IL23R: variants seen among roughly 807,000 people sequenced by gnomAD.
IL23R encodes the protein interleukin-23 receptor.
In IL23R, 34 loss-of-function variants were observed where a neutral mutation model predicts 56.9. The observed-to-expected ratio is 0.60, with a 90% CI of 0.45 to 0.80. IL23R has a LOEUF of 0.80. Ranked by LOEUF, IL23R falls within the 30% of genes least tolerant of loss-of-function variation. The probability of loss-of-function intolerance (pLI) is 0.00; values close to 1 mark genes in which losing one functional copy is unlikely to be tolerated. For missense variants in IL23R, 635 were observed against 730.0 expected, an observed-to-expected ratio of 0.87 and a Z score of 1.50; for synonymous variants, 230 against 249.2, an observed-to-expected ratio of 0.92 and a Z score of 0.73.
intron 4 of IL23R, among the ~76,000 whole-genome samples, chr1:67,197,787 T>C (rs1194483308): frequency 6.6e-6 from 1 of 151,964 alleles, no homozygotes; most frequent in Non-Finnish European, 1.5e-5. Flanking sequence ...CTACAAAAAA[T>C]TAGCTGAGAG....
In IL23R at chr1:67,250,862, A is replaced by T. The variant is rs368833618; in HGVS notation, c.1149-4975A>T. Among the ~76,000 whole-genome samples the T allele has an allele frequency of 4.6e-4, 70 of 152,350 alleles. No individual in the cohort carries two copies. The East Asian group carries it at 8.5e-3, about 18-fold the overall frequency. ...GGGTGGAGCCCATCAAGAAATGGCT[A>T]GGAAAACATGCAGTTTCTGGGGTCT... On this transcript the variant is annotated intron_variant, in intron 9 of 10. Coordinates refer to ENST00000347310, the MANE Select transcript of IL23R (RefSeq NM_144701.3).
chr1:67,158,380 G>T (rs552674278), intron 1 of IL23R, among the ~76,000 whole-genome samples: 1 of 152,214 alleles, frequency 6.6e-6, no homozygotes, highest in Non-Finnish European at 1.5e-5. Context: ...TAATGAAGTA[G>T]AATTGGACAG....
chr1:67,249,327 C>T (rs1652467362), intron 9 of IL23R, among the ~76,000 whole-genome samples: 1 of 152,150 alleles, frequency 6.6e-6, no homozygotes, highest in South Asian at 2.1e-4. Flanking sequence ...TGCTTTTTAG[C>T]ATCCTTTTTA....
chr1:67,226,088 C>T (rs548815065), intron 7 of IL23R, among the ~76,000 whole-genome samples: 123 of 152,288 alleles, frequency 8.1e-4, no homozygotes, highest in Admixed American at 5.1e-3. Flanking sequence ...AAACCCGTTA[C>T]AGGAGGGGGA....
At chr1:67,249,452 G>A (rs1413228992) in intron 9 of IL23R, among the ~76,000 whole-genome samples, 1 of 151,706 alleles carries the variant, frequency 6.6e-6, no homozygotes, top group African/African-American at 2.4e-5. Context: ...TTTAAACAGT[G>A]ATATTTAAAA....
intron 3 of IL23R, among the ~76,000 whole-genome samples, chr1:67,178,161 A>T (rs1007571883): frequency 6.6e-6 from 1 of 152,078 alleles, no homozygotes; most frequent in Non-Finnish European, 1.5e-5. Flanking sequence ...GAAGAAAGTC[A>T]TTGGTAGCTT....
chr1:67,185,272 T>C (rs1317325869), intron 4 of IL23R, among the ~76,000 whole-genome samples: 1 of 152,168 alleles, frequency 6.6e-6, no homozygotes, highest in Non-Finnish European at 1.5e-5. Context: ...AATTTGAACA[T>C]AGGTTGCCTG....
intron 6 of IL23R, among the ~76,000 whole-genome samples, chr1:67,209,552 G>A (rs2102642939): frequency 6.6e-6 from 1 of 152,196 alleles, no homozygotes; most frequent in South Asian, 2.1e-4. Flanking sequence ...TTCTCTTGCT[G>A]CTGCCATGTT....
chr1:67,185,451 T>C (rs1021143890), intron 4 of IL23R, among the ~76,000 whole-genome samples: 9 of 152,320 alleles, frequency 5.9e-5, no homozygotes, highest in African/African-American at 1.4e-4. Context: ...TTTTCGTTTT[T>C]GTTTTTGTTT....
chr1:67,226,083 C>A (rs11586237), intron 7 of IL23R, among the ~76,000 whole-genome samples: 1 of 152,076 alleles, frequency 6.6e-6, no homozygotes, highest in Non-Finnish European at 1.5e-5. Context: ...TGCTCAAACC[C>A]GTTACAGGAG....
At chr1:67,225,371 AG>A (rs1438119747) in intron 7 of IL23R, among the ~76,000 whole-genome samples, 2 of 152,194 alleles carry the variant, frequency 1.3e-5, no homozygotes, top group African/African-American at 4.8e-5. Flanking sequence ...ATGAGGATAA[AG>A]GATAGGTAAA....
At chr1:67,164,927 G>T (rs972104036), upstream of IL23R, among the ~76,000 whole-genome samples, 2 of 152,092 alleles carry the variant, frequency 1.3e-5, no homozygotes, top group Non-Finnish European at 2.9e-5. Context: ...ACTACAATGA[G>T]CTGGGCGTGG....
chr1:67,257,522 G>C (rs988198126), intron 10 of IL23R, among the ~76,000 whole-genome samples: 2 of 152,114 alleles, frequency 1.3e-5, no homozygotes, highest in Non-Finnish European at 2.9e-5. Context: ...CAAACGTTTA[G>C]TCCGTAACAG....
At chr1:67,260,724 GA>G (rs1263537621), downstream of IL23R, among the ~76,000 whole-genome samples, 2 of 152,088 alleles carry the variant, frequency 1.3e-5, no homozygotes, top group Non-Finnish European at 2.9e-5. Context: ...TTTTCTGAAT[GA>G]TCAGAACAGT....
chr1:67,203,380 G>A (rs1648770471), intron 5 of IL23R, among the ~76,000 whole-genome samples: 1 of 152,054 alleles, frequency 6.6e-6, no homozygotes, highest in South Asian at 2.1e-4. Context: ...TCCCACAAAG[G>A]AAAAAATCCC....
intron 6 of IL23R, 110 bp downstream of exon 6, chr1:67,207,165 T>G (rs768681854): frequency 8.4e-7 from 1 of 1,186,164 alleles, no homozygotes. Context: ...TTAATCTGAT[T>G]GTTTGCATGA....
chr1:67,147,742 C>T (rs182764674), intron 1 of IL23R, among the ~76,000 whole-genome samples: 1 of 152,226 alleles, frequency 6.6e-6, no homozygotes, highest in East Asian at 1.9e-4. Flanking sequence ...CTAGTTCTCT[C>T]GTACTGCTCT....
intron 9 of IL23R, among the ~76,000 whole-genome samples, chr1:67,251,269 G>T (rs900358276): frequency 6.6e-6 from 1 of 152,012 alleles, no homozygotes. Context: ...TGGCTAACAC[G>T]GTGAAACCCC....
At chr1:67,162,958 T>A (rs1419873887), upstream of IL23R, among the ~76,000 whole-genome samples, 2 of 152,228 alleles carry the variant, frequency 1.3e-5, no homozygotes, top group Non-Finnish European at 2.9e-5. Context: ...GAGCTAGAGT[T>A]GTATGTTGAA....
Sources: allele counts gnomAD v4.1 joint callset (sites outside exome capture counted in the v4.1 genomes callset), GRCh38; gene constraint gnomAD v4.1.1; transcripts MANE v1.5; gene names NCBI Gene and HGNC (gene_info 2026-07-23, HGNC 2026-07-21).